The following TENM2 variants were observed in gnomAD, a reference collection of about 807,000 sequenced individuals.
TENM2 encodes teneurin transmembrane protein 2.
TENM2 carries 52 observed loss-of-function variants against 245.2 expected under a neutral mutation model. The observed-to-expected ratio is 0.21, with a 90% confidence interval of 0.17 to 0.27. The LOEUF (loss-of-function observed/expected upper bound fraction) is 0.27, where lower values mean the gene tolerates loss of function less well. Among genes scored for constraint, TENM2 ranks in the 10% least tolerant of loss-of-function variants. The pLI, the probability that TENM2 is intolerant of heterozygous loss-of-function variation, is 1.00. For missense variants in TENM2, 3,046 were observed against 3,666.8 expected (o/e 0.83, Z 4.37); for synonymous variants, 1,363 against 1,438.9 (o/e 0.95, Z 1.19).
Position 167,457,842 on chromosome 5 carries a change from A to G in TENM2, c.502+82369A>G, listed in dbSNP as rs144079894. On this transcript the variant is annotated intron_variant, in intron 2 of 28. Coordinates refer to ENST00000518659, the Ensembl canonical transcript of TENM2. ...TGCCTCAGAGACTTTAATCTGAGTT[A>G]GTGTAACATCCCATTCCTAAGTCAT... Among the ~76,000 whole-genome samples the G allele has an allele frequency of 7.0e-3, 1,063 of 152,322 alleles. 11 individuals carry two copies. The highest frequency in any genetic ancestry group is 0.024 in the African/African-American group (1,016 of 41,572).
chr5:167,648,915 T>C (rs1242837765), intron 2 of TENM2, among the ~76,000 whole-genome samples: 1 of 152,182 alleles, frequency 6.6e-6, no homozygotes, highest in Non-Finnish European at 1.5e-5. Context: ...GCTCGGTCTG[T>C]GGCCCCTCCC....
exon 10 of TENM2, chr5:168,118,417 G>T (rs1279272426): frequency 6.2e-7 from 1 of 1,610,702 alleles, no homozygotes; most frequent in Admixed American, 1.7e-5. Flanking sequence ...TTCCTGCGGG[G>T]GCCACGGCTC....
chr5:168,254,123 C>T (rs184381044), intron 27 of TENM2, among the ~76,000 whole-genome samples: 1 of 152,366 alleles, frequency 6.6e-6, no homozygotes, highest in East Asian at 1.9e-4. Flanking sequence ...GCTGCACTGA[C>T]AGCGTGTTCA....
chr5:167,843,224 C>A (rs773315334), intron 2 of TENM2, among the ~76,000 whole-genome samples: 1 of 152,202 alleles, frequency 6.6e-6, no homozygotes, highest in African/African-American at 2.4e-5. Flanking sequence ...ACTCGAAATA[C>A]GTTTAAGCCC....
chr5:168,169,143 G>A (rs1461686367), intron 13 of TENM2, among the ~76,000 whole-genome samples: 2 of 152,184 alleles, frequency 1.3e-5, no homozygotes, highest in Non-Finnish European at 2.9e-5. Flanking sequence ...TGGGTGTCAG[G>A]AACATGACAT....
At chr5:168,057,187 A>G (rs1020354769) in intron 6 of TENM2, among the ~76,000 whole-genome samples, 4 of 152,082 alleles carry the variant, frequency 2.6e-5, no homozygotes, top group Admixed American at 2.0e-4. Context: ...TTGTTTAACA[A>G]TATGGATATC....
At chr5:167,103,315 T>C in the TENM2 span, among the ~76,000 whole-genome samples, 1 of 152,220 alleles carries the variant, frequency 6.6e-6, no homozygotes, top group Non-Finnish European at 1.5e-5. Context: ...TATTGTTTTA[T>C]GGTATCTGAC....
chr5:167,826,181 A>T (rs1767961684), intron 2 of TENM2, among the ~76,000 whole-genome samples: 1 of 152,238 alleles, frequency 6.6e-6, no homozygotes, highest in South Asian at 2.1e-4. Flanking sequence ...GAAAGTTTGG[A>T]GAAAATGAAG....
intron 3 of TENM2, among the ~76,000 whole-genome samples, chr5:167,935,951 T>C (rs894450036): frequency 6.6e-6 from 1 of 152,204 alleles, no homozygotes; most frequent in African/African-American, 2.4e-5. Context: ...GTTGCCGAGC[T>C]GTGAGCACCC....
chr5:167,535,006 T>A (rs1771757010), intron 2 of TENM2, among the ~76,000 whole-genome samples: 1 of 152,182 alleles, frequency 6.6e-6, no homozygotes. Context: ...AAAATCATCA[T>A]TTCTCAGAGA....
In TENM2 at chr5:167,367,020, T is replaced by C. The variant is rs574945327; in HGVS notation, c.227-8178T>C. ...CCAGTTTTTCAGCAGAACCCTTTTG[T>C]TGTGGCTGATTTTGGGTTTTCCAAA... On this transcript the variant is annotated intron_variant, in intron 1 of 28. Coordinates refer to ENST00000518659, the Ensembl canonical transcript of TENM2. 1.2e-4 allele frequency among the ~76,000 whole-genome samples: 18 copies of C among 152,324 alleles called. No homozygotes were observed. The South Asian group carries it at 3.1e-3, about 26-fold the overall frequency.
intron 7 of TENM2, among the ~76,000 whole-genome samples, chr5:168,074,533 T>G (rs964462144): frequency 3.3e-5 from 5 of 152,196 alleles, no homozygotes; most frequent in African/African-American, 1.2e-4. Flanking sequence ...AGCTGTTCTA[T>G]TCTCTGCTGT....
intron 3 of TENM2, among the ~76,000 whole-genome samples, chr5:167,947,577 A>G (rs957338639): frequency 6.6e-6 from 1 of 152,030 alleles, no homozygotes; most frequent in Non-Finnish European, 1.5e-5. Flanking sequence ...CCTCACCCCC[A>G]ATTCCCTCTG....
intron 25 of TENM2, among the ~76,000 whole-genome samples, chr5:168,235,935 T>C (rs1765389342): frequency 6.6e-6 from 1 of 151,918 alleles, no homozygotes; most frequent in Admixed American, 6.6e-5. Flanking sequence ...GAATGAAGAG[T>C]AGGTAGGAAT....
At chr5:167,838,284 C>T (rs781274927) in intron 2 of TENM2, among the ~76,000 whole-genome samples, 1 of 152,120 alleles carries the variant, frequency 6.6e-6, no homozygotes, top group Non-Finnish European at 1.5e-5. Context: ...ATGTTCCAGC[C>T]GAGATATTTA....
intron 2 of TENM2, among the ~76,000 whole-genome samples, chr5:167,606,930 T>C (rs1175046178): frequency 6.6e-6 from 1 of 152,190 alleles, no homozygotes; most frequent in Non-Finnish European, 1.5e-5. Flanking sequence ...GTGAAATCAG[T>C]ATTTCAAGAT....
At chr5:167,040,131 T>A in the TENM2 span, among the ~76,000 whole-genome samples, 3 of 152,062 alleles carry the variant, frequency 2.0e-5, no homozygotes. Context: ...AAATCAAATC[T>A]CCTCATCTTG....
At chr5:167,863,458 TACACACACAC>T (rs35475369) in intron 2 of TENM2, among the ~76,000 whole-genome samples, 16 of 143,338 alleles carry the variant, frequency 1.1e-4, no homozygotes, top group African/African-American at 3.3e-4. Flanking sequence ...CTACTAAAAA[TACACACACAC>T]ACACACACAC....
intron 2 of TENM2, among the ~76,000 whole-genome samples, chr5:167,776,612 A>C (rs1051662225): frequency 7.1e-5 from 7 of 98,478 alleles, no homozygotes; most frequent in South Asian, 3.8e-4. Context: ...AAAAAAAAAA[A>C]AAAAAAAAAA....
Sources: gnomAD v4.1 joint callset for allele counts (sites outside exome capture counted in the v4.1 genomes callset) on GRCh38, gnomAD v4.1.1 for gene constraint, MANE v1.5 for transcripts, NCBI Gene and HGNC (gene_info 2026-07-23, HGNC 2026-07-21) for gene names.